LTA4H: variants seen among roughly 807,000 people sequenced by gnomAD.
LTA4H encodes leukotriene A4 hydrolase, also known as leukotriene A-4 hydrolase.
Under a neutral mutation model 89.8 loss-of-function variants are expected in LTA4H, and 59 were observed. The ratio of observed to expected loss-of-function variants is 0.66; its 90% CI spans 0.53 to 0.82. LTA4H has a LOEUF of 0.82. Ranked by LOEUF, LTA4H falls within the 40% of genes least tolerant of loss-of-function variation. The probability of loss-of-function intolerance (pLI) is 0.00; values close to 1 mark genes in which losing one functional copy is unlikely to be tolerated. For missense variants in LTA4H, 617 were observed against 727.0 expected (o/e 0.85, Z 1.74); for synonymous variants, 227 against 253.1 (o/e 0.90, Z 0.98).
At chr12:96,035,803 G>A (rs1950636210), upstream of LTA4H, 7 of 450,662 alleles carry the variant, frequency 1.6e-5, no homozygotes, top group Non-Finnish European at 1.8e-5. Context: ...CTGAAGAAGA[G>A]GAGGGGAGTA....
intron 17 of LTA4H, 46 bp downstream of exon 17, chr12:96,003,792 T>A: frequency 7.5e-7 from 1 of 1,330,242 alleles, no homozygotes; most frequent in Non-Finnish European, 1.1e-6. Context: ...TTCAAAGGAG[T>A]TTAGTTTTCT....
intron 4 of LTA4H, among the ~76,000 whole-genome samples, chr12:96,023,775 T>C (rs1218349839): frequency 1.3e-5 from 2 of 152,196 alleles, no homozygotes; most frequent in Non-Finnish European, 2.9e-5. Flanking sequence ...GTCTGGAATA[T>C]ATGCCCACTA....
rs1322948441 is a variant in LTA4H at position 96,006,303 on chromosome 12, CTAGTACT to C, written c.1530+4_1530+10del. On this transcript the variant is annotated splice_donor_5th_base_variant and intron_variant, in intron 16 of 18. Transcript: ENST00000228740. The stretch of plus-strand genomic sequence containing the variant: ...CCATTTTAATTTCTAAGATTTTGAG[CTAGTACT>C]TACCCTCTGGAGCGTCTGTGCTAAA... 1 of 1,556,738 alleles carries C rather than the reference CTAGTACT, an allele frequency of 6.4e-7. No individual in the cohort carries two copies. Among genetic ancestry groups the C allele is most frequent in the South Asian group, 1.2e-5 (1 of 86,928 alleles).
chr12:96,019,319 G>A (rs1950423331), intron 6 of LTA4H, 79 bp from the exon 7 acceptor site: 8 of 1,229,244 alleles, frequency 6.5e-6, no homozygotes, highest in Non-Finnish European at 9.4e-6. Flanking sequence ...TTAATGTCTT[G>A]TAGACAAACC....
At chr12:96,027,887 G>C (rs991269149) in intron 2 of LTA4H, 16 of 163,762 alleles carry the variant, frequency 9.8e-5, no homozygotes, top group Non-Finnish European at 2.6e-5. Context: ...GAGTGAAAAA[G>C]TAAAAGAAAT....
At chr12:96,037,977 A>G (rs944854468), upstream of LTA4H, among the ~76,000 whole-genome samples, 1 of 152,212 alleles carries the variant, frequency 6.6e-6, no homozygotes, top group African/African-American at 2.4e-5. Context: ...GGCGTGAGCC[A>G]CCGCGCCCGG....
chr12:96,031,266 A>C (rs1251766204), intron 1 of LTA4H, among the ~76,000 whole-genome samples: 1 of 152,168 alleles, frequency 6.6e-6, no homozygotes. Flanking sequence ...AGGGTTTAGC[A>C]CTCTGCCTCA....
At chr12:96,002,915 C>T (rs1285714373) in intron 18 of LTA4H, 45 bp downstream of exon 18, 2 of 1,268,058 alleles carry the variant, frequency 1.6e-6, no homozygotes, top group Admixed American at 4.2e-5. Flanking sequence ...AGTTTTCTTC[C>T]TGTTTCTTAG....
In LTA4H at chr12:96,014,917, G is replaced by A. The variant is rs766330028; in HGVS notation, c.1142C>T (p.Ser381Leu). The A allele has an allele frequency of 6.2e-7, 1 of 1,613,796 alleles. No homozygotes were observed. The highest frequency in any genetic ancestry group is 8.5e-7 in the Non-Finnish European group (1 of 1,179,818). The change falls in exon 12 of 19, where the codon TCA becomes TTA. Residue 381 changes from serine to leucine, a missense_variant. Ser to Leu is a moderately radical substitution (Grantham distance 145). Coordinates refer to ENST00000228740, the MANE Select transcript of LTA4H (RefSeq NM_000895.3). ...TDIDPDVAYS[S>L]VPYEKGFALL... Reference sequence around the variant, plus strand: ...AGCAAAGCCCTTCTCATAGGGAACTGAAGAATAAGCTACATCAGGGTCTAT... The same window carrying A: ...AGCAAAGCCCTTCTCATAGGGAACTAAAGAATAAGCTACATCAGGGTCTAT...
At chr12:96,039,903 A>G (rs1486616329), upstream of LTA4H, among the ~76,000 whole-genome samples, 1 of 152,198 alleles carries the variant, frequency 6.6e-6, no homozygotes, top group African/African-American at 2.4e-5. Flanking sequence ...TAATTGGGGA[A>G]GGTTCTGTCT....
chr12:96,022,768 T>C lies in LTA4H; in HGVS notation c.481-517A>G, dbSNP rs957857767. The stretch of plus-strand genomic sequence containing the variant: ...TGCTGCAAGGAATAAATAATATAAG[T>C]GAAGAGCCCAGCACCATCCCTGGCA... On this transcript the variant is annotated intron_variant, in intron 4 of 18. Transcript: ENST00000228740. This position sits in a 1 kb window ranked among gnomAD's most constrained non-coding sequence, Gnocchi z 4.0. 2.6e-5 allele frequency among the ~76,000 whole-genome samples: 4 copies of C among 152,072 alleles called. No individual in the cohort carries two copies. The highest frequency in any genetic ancestry group is 5.9e-5 in the Non-Finnish European group (4 of 68,004).
Position 96,035,525 on chromosome 12 carries a change from T to C in LTA4H, c.-6A>G. On this transcript the variant is annotated 5_prime_UTR_variant, in exon 1 of 19. Coordinates refer to ENST00000228740, the MANE Select transcript of LTA4H (RefSeq NM_000895.3). ...GTATCCACTATCTCGGGCATGGCTC[T>C]GGGGGATCACACAGCACAGCGACCT... is the stretch of plus-strand genomic sequence containing the variant. 1 of 1,600,716 alleles carries C rather than the reference T, an allele frequency of 6.2e-7. No homozygotes were observed. Among genetic ancestry groups the C allele is most frequent in the Non-Finnish European group, 8.5e-7 (1 of 1,173,372 alleles).
At chr12:96,029,025 T>C (rs1346133063) in intron 2 of LTA4H, 30 bp downstream of exon 2, 6 of 1,514,334 alleles carry the variant, frequency 4.0e-6, no homozygotes, top group African/African-American at 1.4e-5. Context: ...ATTATTTAGC[T>C]GTAAAAGAGA....
chr12:96,037,692 C>CCTTTTT, upstream of LTA4H, among the ~76,000 whole-genome samples: 1 of 114,192 alleles, frequency 8.8e-6, no homozygotes, highest in Non-Finnish European at 1.7e-5. Context: ...ATTGAGAAAG[C>CCTTTTT]TTTTTTTTTT....
rs187230930 is a variant in LTA4H at position 96,018,474 on chromosome 12, G to A, written c.852+289C>T. ...TGAGGCAGGAGAATCGCTTGAACCC[G>A]GGGGCAGAGGTTGCAGTGAGCTGAG... is the stretch of plus-strand genomic sequence containing the variant. On this transcript the variant is annotated intron_variant, in intron 8 of 18. Transcript: ENST00000228740. 1.4e-4 allele frequency among the ~76,000 whole-genome samples: 21 copies of A among 152,160 alleles called. No individual in the cohort carries two copies. In the East Asian group the frequency reaches 2.5e-3, roughly 18 times the overall value.
At chr12:96,012,593 C>T (rs1950320499) in intron 14 of LTA4H, 1 of 152,422 alleles carries the variant, frequency 6.6e-6, no homozygotes, top group African/African-American at 2.4e-5. Flanking sequence ...CATCTGTGGT[C>T]CCAGCTACTT....
intron 13 of LTA4H, 77 bp downstream of exon 13, chr12:96,013,673 T>C (rs1950336352): frequency 1.3e-6 from 1 of 767,102 alleles, no homozygotes; most frequent in Non-Finnish European, 2.2e-6. Context: ...TACTATTAGA[T>C]AATACAAGTT....
chr12:96,035,293 C>T (rs1950626696), intron 1 of LTA4H, 68 bp downstream of exon 1: 3 of 1,489,746 alleles, frequency 2.0e-6, no homozygotes, highest in Non-Finnish European at 1.8e-6. Context: ...TCCGGGAGCC[C>T]GCAAGGACTA....
chr12:96,025,045 C>T (rs1403618763), intron 3 of LTA4H, among the ~76,000 whole-genome samples: 1 of 152,192 alleles, frequency 6.6e-6, no homozygotes, highest in Admixed American at 6.5e-5. Flanking sequence ...CTATGGTTAA[C>T]CCTCACATTT....
Sources: gnomAD v4.1 joint callset for allele counts (sites outside exome capture counted in the v4.1 genomes callset) on GRCh38, gnomAD v4.1.1 for gene constraint, Gnocchi (gnomAD v3.1) non-coding constraint, MANE v1.5 for transcripts, NCBI Gene and HGNC (gene_info 2026-07-23, HGNC 2026-07-21) for gene names.